The following BRCA1 variants were observed in gnomAD, a reference collection of about 807,000 sequenced individuals.
The protein encoded by BRCA1 is breast cancer type 1 susceptibility protein.
BRCA1 carries 140 observed loss-of-function variants against 173.7 expected under a neutral mutation model. The observed-to-expected ratio is 0.81, with a 90% confidence interval of 0.70 to 0.93. The LOEUF is 0.93. Among genes scored for constraint, BRCA1 ranks in the 40% least tolerant of loss-of-function variants. The pLI is 0.00. For missense variants in BRCA1, 1,983 were observed against 2,172.5 expected (o/e 0.91, Z 1.73); for synonymous variants, 662 against 756.0 (o/e 0.88, Z 2.04).
chr17:43,129,222 C>A (rs1192080171), upstream of BRCA1, among the ~76,000 whole-genome samples: 1 of 152,194 alleles, frequency 6.6e-6, no homozygotes, highest in Non-Finnish European at 1.5e-5. Context: ...TTAACCATAG[C>A]TTTCGTGTTT....
chr17:43,063,835 G>T, intron 17 of BRCA1, 39 bp downstream of exon 17: 1 of 1,532,582 alleles, frequency 6.5e-7, no homozygotes, highest in Non-Finnish European at 9.0e-7. Context: ...CAATTCTGAG[G>T]TGTTAAAGGG....
At chr17:43,149,112 C>T (rs1359354494) in intron 1 of BRCA1, among the ~76,000 whole-genome samples, 1 of 151,344 alleles carries the variant, frequency 6.6e-6, no homozygotes, top group Admixed American at 6.6e-5. Flanking sequence ...CTTTTTTTCC[C>T]CCCCGAGACA....
chr17:43,149,622 A>T (rs2056147914), intron 1 of BRCA1, among the ~76,000 whole-genome samples: 1 of 152,194 alleles, frequency 6.6e-6, no homozygotes, highest in African/African-American at 2.4e-5. Context: ...GGAAAGAAAG[A>T]GAGTGGTCTA....
intron 11 of BRCA1, among the ~76,000 whole-genome samples, chr17:43,088,896 A>T (rs544293226): frequency 6.6e-6 from 1 of 152,354 alleles, no homozygotes; most frequent in East Asian, 1.9e-4. Flanking sequence ...GGGAATACAA[A>T]GAACCAACCT....
chr17:43,079,800 AAAAAGACCTTTGGACTGT>A, intron 12 of BRCA1: 1 of 839,648 alleles, frequency 1.2e-6, no homozygotes, highest in Non-Finnish European at 2.0e-6. Flanking sequence ...AAAAAAAAAA[AAAAAGACCTTTGGACTGT>A]AAAAAAAAAG....
intron 3 of BRCA1, chr17:43,110,543 G>A (rs2054988998): frequency 6.9e-6 from 3 of 437,950 alleles, no homozygotes; most frequent in South Asian, 4.8e-5. Flanking sequence ...CCTCATGATC[G>A]CACCACTGTA....
intron 1 of BRCA1, 125 bp downstream of exon 1, chr17:43,125,143 GCCT>G (rs1190974110): frequency 1.6e-4 from 66 of 414,074 alleles, no homozygotes; most frequent in Non-Finnish European, 2.8e-4. Context: ...AACGCCTTAC[GCCT>G]CTCAGGTTCC....
intron 1 of BRCA1, chr17:43,138,951 ACCC>A (rs2056052415): frequency 1.3e-6 from 1 of 778,448 alleles, no homozygotes; most frequent in South Asian, 1.3e-5. Context: ...CAGTGGTACA[ACCC>A]CCTCCCCACA....
intron 3 of BRCA1, among the ~76,000 whole-genome samples, chr17:43,107,172 C>G (rs1485657125): frequency 6.7e-6 from 1 of 148,892 alleles, no homozygotes; most frequent in African/African-American, 2.5e-5. Flanking sequence ...TCACGCCATT[C>G]TCCTGCCTCA....
In BRCA1 at chr17:43,092,128, G is replaced by T; in HGVS notation, c.3403C>A (p.Gln1135Lys). The change falls in exon 10 of 23, where the codon CAG (glutamine) becomes AAG (lysine). Residue 1135 changes from glutamine (Q) to lysine (K), a missense_variant. Transcript: ENST00000357654. Reference sequence around the variant, plus strand: ...GATGCATGACTACTTCCCATAGGCTGTTCTAAGTTATCTGAAATCAGATAT... The same window carrying T: ...GATGCATGACTACTTCCCATAGGCTTTTCTAAGTTATCTGAAATCAGATAT... ...SPYLISDNLE[Q>K]PMGSSHASQV... 6.2e-7 allele frequency: 1 copy of T among 1,613,664 alleles called. No individual in the cohort carries two copies.
upstream of BRCA1, among the ~76,000 whole-genome samples, chr17:43,127,202 G>A (rs964131547): frequency 6.6e-6 from 1 of 152,256 alleles, no homozygotes; most frequent in African/African-American, 2.4e-5. Flanking sequence ...GCTGAGAGGA[G>A]TGCAGGCGCC....
rs80357369 is a variant in BRCA1 at position 43,092,101 on chromosome 17, G to A, written c.3430C>T (p.Gln1144Ter). 2 of 1,613,990 alleles carry A rather than the reference G, an allele frequency of 1.2e-6. No homozygotes were observed. The highest frequency in any genetic ancestry group is 1.7e-6 in the Non-Finnish European group (2 of 1,180,006). ...TCATCAGGTGTCTCAGAACAAACCTGAGATGCATGACTACTTCCCATAGGC... is the reference window on the plus strand; with the variant it reads ...TCATCAGGTGTCTCAGAACAAACCTAAGATGCATGACTACTTCCCATAGGC... ...EQPMGSSHAS[Q>*]VCSETPDDLL... The change falls in exon 10 of 23, where the codon CAG becomes TAG. Residue 1144 changes from glutamine (Q) to a stop codon, truncating the protein, a stop_gained. Coordinates refer to ENST00000357654, the MANE Select transcript of BRCA1 (RefSeq NM_007294.4). LOFTEE classifies it high-confidence loss of function.
intron 1 of BRCA1, among the ~76,000 whole-genome samples, chr17:43,143,036 A>C (rs1163776944): frequency 6.7e-6 from 1 of 149,358 alleles, no homozygotes; most frequent in Non-Finnish European, 1.5e-5. Context: ...ATATGTGTGT[A>C]TATATATGTA....
At chr17:43,047,505 A>G (rs2152749176) in intron 22 of BRCA1, 138 bp downstream of exon 22, 1 of 908,060 alleles carries the variant, frequency 1.1e-6, no homozygotes, top group Non-Finnish European at 1.8e-6. Flanking sequence ...AAAAACATCA[A>G]AAAGACATTT....
rs34293035 is a variant in BRCA1, at chr17:43,089,551, T to TC, written c.4185+1392_4185+1393insG. 0.3 allele frequency among the ~76,000 whole-genome samples: 44,435 copies of TC among 147,654 alleles called. 7,069 individuals are homozygous for TC. Among genetic ancestry groups the TC allele is most frequent in the South Asian group, 0.49 (2,330 of 4,724 alleles). Reference sequence around the variant, plus strand: ...CAGAAAGTAAAATTGTGTACTTTCTTTTTTTTTTTTTTTGAGATGGAGTTT... The same window carrying TC: ...CAGAAAGTAAAATTGTGTACTTTCTTCTTTTTTTTTTTTTGAGATGGAGTTT... On this transcript the variant is annotated intron_variant, in intron 11 of 22. Transcript: ENST00000357654.
Position 43,067,535 on chromosome 17 carries a change from T to G in BRCA1, c.5074+73A>C, listed in dbSNP as rs987865924. 2.4e-6 allele frequency: 3 copies of G among 1,260,564 alleles called. No individual in the cohort carries two copies. The African/African-American group carries it at 4.4e-5, about 19-fold the overall frequency. 78.1% of individuals were successfully genotyped at this position (1,260,564 alleles called of 1,614,324 possible). ...TCCCAAAGTGCTGCGATTACAGGCA[T>G]GCGCCACCGTGCCTCGCCTCATGTG... On this transcript the variant is annotated intron_variant, in intron 16 of 22. Coordinates refer to ENST00000357654, the MANE Select transcript of BRCA1 (RefSeq NM_007294.4).
At position 43,051,212 on chromosome 17, in the gene BRCA1, TC is replaced by T. The variant is rs55875201; in HGVS notation, c.5278-96del. 1.9e-4 allele frequency: 233 copies of T among 1,204,504 alleles called. 2 individuals are homozygous for T. In the East Asian group the frequency reaches 5.2e-3, roughly 27 times the overall value. The allele number at this position is 1,204,504 out of a possible 1,614,324, so 74.6% of individuals were successfully genotyped here. ...TGGCTTTTATTCAAAAAACAGACTTTCAAAAAGGAAGAGCTTTTCTTTTTCT... is the reference window on the plus strand; with the variant it reads ...TGGCTTTTATTCAAAAAACAGACTTTAAAAAGGAAGAGCTTTTCTTTTTCT... On this transcript the variant is annotated intron_variant, in intron 19 of 22. Transcript: ENST00000357654.
chr17:43,058,911 T>C (rs2051625346), intron 18 of BRCA1, among the ~76,000 whole-genome samples: 1 of 152,212 alleles, frequency 6.6e-6, no homozygotes, highest in Non-Finnish European at 1.5e-5. Flanking sequence ...GAAACAATTC[T>C]GACTGAAACT....
intron 3 of BRCA1, among the ~76,000 whole-genome samples, chr17:43,107,056 A>T (rs1190630020): frequency 6.8e-6 from 1 of 147,416 alleles, no homozygotes; most frequent in African/African-American, 2.6e-5. Context: ...AATAAATACC[A>T]AGACAATTTT....
Sources: gnomAD v4.1 joint callset for allele counts (sites outside exome capture counted in the v4.1 genomes callset) on GRCh38, gnomAD v4.1.1 for gene constraint, MANE v1.5 for transcripts, NCBI Gene and HGNC (gene_info 2026-07-23, HGNC 2026-07-21) for gene names.